The following PDZK1 variants were observed in gnomAD, a reference collection of about 807,000 sequenced individuals.
PDZK1 encodes Na(+)/H(+) exchange regulatory cofactor NHE-RF3.
A neutral mutation model predicts 38.1 loss-of-function variants in PDZK1; 23 were observed. The ratio of observed to expected loss-of-function variants is 0.60; its 90% CI spans 0.43 to 0.85. The LOEUF (loss-of-function observed/expected upper bound fraction) is 0.85. Ranked by LOEUF, PDZK1 falls within the 40% of genes least tolerant of loss-of-function variation. The pLI is 0.00. For synonymous variants in PDZK1, 98 were observed against 186.2 expected (o/e 0.53, Z 3.86); for missense variants, 297 against 504.3 (o/e 0.59, Z 3.94).
intron 1 of PDZK1, among the ~76,000 whole-genome samples, chr1:145,689,786 A>G (rs587643827): frequency 6.6e-6 from 1 of 152,282 alleles, no homozygotes; most frequent in South Asian, 2.1e-4. Context: ...GAGGGTGAAG[A>G]ATAGGCCACA....
intron 6 of PDZK1, among the ~76,000 whole-genome samples, chr1:145,676,941 C>T: frequency 6.6e-6 from 1 of 152,048 alleles, no homozygotes; most frequent in East Asian, 1.9e-4. Context: ...ATGTGTGAGG[C>T]ATTATTCTAC....
chr1:145,682,962 A>G (rs1654413526), intron 3 of PDZK1, among the ~76,000 whole-genome samples: 1 of 152,158 alleles, frequency 6.6e-6, no homozygotes, highest in Non-Finnish European at 1.5e-5. Context: ...GTCCAAGACC[A>G]TGCTTCTGTT....
chr1:145,692,942 T>G (rs1553703570), intron 1 of PDZK1, among the ~76,000 whole-genome samples: 1 of 149,828 alleles, frequency 6.7e-6, no homozygotes, highest in Non-Finnish European at 1.5e-5. Flanking sequence ...ACCCGGGAGG[T>G]GGAGCTTGCA....
intron 3 of PDZK1, among the ~76,000 whole-genome samples, chr1:145,684,129 G>A (rs1410023442): frequency 1.3e-5 from 2 of 151,340 alleles, no homozygotes; most frequent in East Asian, 1.9e-4. Context: ...TTACAGATAT[G>A]AGCCACTGTG....
chr1:145,684,240 G>A lies in PDZK1; in HGVS notation c.461-1604C>T, dbSNP rs1228214157. 1.0e-4 allele frequency among the ~76,000 whole-genome samples: 12 copies of A among 119,586 alleles called. 1 individual carries two copies. In the South Asian group the frequency reaches 3.1e-3, roughly 31 times the overall value. 78.5% of individuals were successfully genotyped at this position (119,586 alleles called of 152,430 possible). ...TTTTTTTTTTTTGAGACGGAGTCTT[G>A]CTTTATCGCCCAGCCTGGAGTGCAG... is the stretch of plus-strand genomic sequence containing the variant. On this transcript the variant is annotated intron_variant, in intron 3 of 8. Coordinates refer to ENST00000417171, the MANE Select transcript of PDZK1 (RefSeq NM_001201325.2).
intron 1 of PDZK1, among the ~76,000 whole-genome samples, chr1:145,694,252 T>C (rs1655483851): frequency 1.3e-5 from 2 of 152,218 alleles, no homozygotes; most frequent in African/African-American, 4.8e-5. Flanking sequence ...CATTCAGGAC[T>C]GAGGCCCTAC....
At chr1:145,671,694 C>A (rs1653067441) in intron 8 of PDZK1, 2 of 548,804 alleles carry the variant, frequency 3.6e-6, no homozygotes, top group Admixed American at 6.8e-5. Flanking sequence ...CCCAGAAGAG[C>A]CTGAATCAGA....
intron 1 of PDZK1, among the ~76,000 whole-genome samples, chr1:145,692,599 T>A (rs1553703479): frequency 6.6e-6 from 1 of 151,286 alleles, no homozygotes; most frequent in Admixed American, 6.6e-5. Context: ...TAATCCCAAC[T>A]ACTCGGGAGG....
intron 1 of PDZK1, 119 bp from the exon 2 acceptor site, chr1:145,688,142 G>A (rs587649536): frequency 2.3e-6 from 2 of 859,426 alleles, no homozygotes; most frequent in Admixed American, 2.0e-5. Context: ...GACTGCTTGG[G>A]TAGTAATGCT....
At chr1:145,679,257 G>A (rs780278480) in intron 5 of PDZK1, among the ~76,000 whole-genome samples, 4 of 150,102 alleles carry the variant, frequency 2.7e-5, no homozygotes, top group Non-Finnish European at 5.9e-5. Context: ...TCTCTCAACT[G>A]TAATGTATTC....
chr1:145,681,280 A>T (rs1237476927), intron 4 of PDZK1, among the ~76,000 whole-genome samples, 173 bp from the exon 5 acceptor site: 2 of 142,142 alleles, frequency 1.4e-5, no homozygotes, highest in Non-Finnish European at 3.0e-5. Flanking sequence ...ATATGTATTT[A>T]TCGCCTTTTT....
chr1:145,681,214 A>G, intron 4 of PDZK1, 107 bp from the exon 5 acceptor site: 1 of 427,484 alleles, frequency 2.3e-6, no homozygotes, highest in Non-Finnish European at 4.2e-6. Flanking sequence ...TCAACAAAAG[A>G]TAGGGGATGA....
intron 2 of PDZK1, 40 bp downstream of exon 2, chr1:145,687,772 G>T: frequency 6.6e-7 from 1 of 1,519,048 alleles, no homozygotes; most frequent in Non-Finnish European, 9.1e-7. Flanking sequence ...TGTGGGGGCT[G>T]AAGAGATCCT....
At chr1:145,682,053 T>C (rs201663057) in intron 4 of PDZK1, among the ~76,000 whole-genome samples, 1,191 of 55,742 alleles carry the variant, frequency 0.021, 45 homozygotes, top group East Asian at 0.17. Context: ...CACACACACA[T>C]AAAAATTAGC....
At chr1:145,696,918 G>A (rs903436770) in intron 1 of PDZK1, among the ~76,000 whole-genome samples, 1 of 152,276 alleles carries the variant, frequency 6.6e-6, no homozygotes, top group Non-Finnish European at 1.5e-5. Context: ...GACTAGAGTC[G>A]AGGTTTGGGA....
intron 5 of PDZK1, 29 bp downstream of exon 5, chr1:145,680,883 C>G: frequency 2.7e-6 from 1 of 376,738 alleles, no homozygotes; most frequent in Non-Finnish European, 4.6e-6. Context: ...TTGCTGGTTA[C>G]TGCCAAGTTT....
At chr1:145,692,850 T>A (rs868922505) in intron 1 of PDZK1, among the ~76,000 whole-genome samples, 1 of 151,156 alleles carries the variant, frequency 6.6e-6, no homozygotes, top group Admixed American at 6.6e-5. Context: ...CTGGCCAACA[T>A]GGTGAAACCT....
chr1:145,697,578 CCAA>C (rs782776619), intron 1 of PDZK1, among the ~76,000 whole-genome samples: 1 of 151,822 alleles, frequency 6.6e-6, no homozygotes, highest in Non-Finnish European at 1.5e-5. Flanking sequence ...CAAGTGGATA[CCAA>C]GTAACAGAAG....
intron 2 of PDZK1, among the ~76,000 whole-genome samples, chr1:145,687,608 C>CA (rs1654900814): frequency 6.6e-6 from 1 of 150,584 alleles, no homozygotes; most frequent in South Asian, 2.1e-4. Context: ...TAACGCTATT[C>CA]AAATCCAAGA....
Sources: gnomAD v4.1 joint callset for allele counts (sites outside exome capture counted in the v4.1 genomes callset) on GRCh38, gnomAD v4.1.1 for gene constraint, MANE v1.5 for transcripts, NCBI Gene and HGNC (gene_info 2026-07-23, HGNC 2026-07-21) for gene names.